Variants in CRYBG3 observed in about 807,000 individuals in gnomAD.
The protein encoded by CRYBG3 is very large A-kinase anchor protein.
Under a neutral mutation model 244.2 loss-of-function variants are expected in CRYBG3, and 127 were observed. The ratio of observed to expected loss-of-function variants is 0.52; its 90% CI spans 0.45 to 0.60. The LOEUF (loss-of-function observed/expected upper bound fraction) is 0.60, where lower values mean the gene tolerates loss of function less well. CRYBG3 is among the 20% of genes least tolerant of loss of function. The probability of loss-of-function intolerance (pLI) is 0.00; values close to 1 mark genes in which losing one functional copy is unlikely to be tolerated. For missense variants in CRYBG3, 3,325 were observed against 3,442.5 expected, an observed-to-expected ratio of 0.97 and a Z score of 0.85; for synonymous variants, 1,132 against 1,195.8, an observed-to-expected ratio of 0.95 and a Z score of 1.10.
At chr3:97,885,105 A>G (rs923789347) in intron 7 of CRYBG3, among the ~76,000 whole-genome samples, 2 of 152,188 alleles carry the variant, frequency 1.3e-5, no homozygotes, top group African/African-American at 2.4e-5. Flanking sequence ...TTGACAGGTG[A>G]CTGTTCTAAA....
intron 17 of CRYBG3, among the ~76,000 whole-genome samples, chr3:97,928,406 G>A (rs1559746737): frequency 6.6e-6 from 1 of 151,948 alleles, no homozygotes; most frequent in Non-Finnish European, 1.5e-5. Context: ...GCCTGCTTGA[G>A]CAGAGAGGGT....
At chr3:97,937,570 T>G (rs917302459) in intron 19 of CRYBG3, among the ~76,000 whole-genome samples, 1 of 152,038 alleles carries the variant, frequency 6.6e-6, no homozygotes, top group Non-Finnish European at 1.5e-5. Context: ...CCACCTTCTC[T>G]CCCAATCTAC....
At position 97,864,665 on chromosome 3, in the gene CRYBG3, T is replaced by C. The variant is rs1266554011; in HGVS notation, c.647+18T>C. ...TTGCTAAAGTAAGTTTAAAATTTCA[T>C]TGAACCAAAAAAAATTGAGCTTTTT... On this transcript the variant is annotated intron_variant, in intron 3 of 21. Transcript: ENST00000389622. The C allele has an allele frequency of 6.7e-7, 1 of 1,489,664 alleles. No homozygotes were observed. The allele number at this position is 1,489,664 out of a possible 1,614,324, so 92.3% of individuals were successfully genotyped here. A position where few individuals can be genotyped will look rare whatever the true frequency, so the allele number is the denominator to read the frequency against.
At position 97,877,813 on chromosome 3, in the gene CRYBG3, A is replaced by G; in HGVS notation, c.6619A>G (p.Asn2207Asp). 1 of 1,614,098 alleles carries G rather than the reference A, an allele frequency of 6.2e-7. No homozygotes were observed. Among genetic ancestry groups the G allele is most frequent in the Non-Finnish European group, 8.5e-7 (1 of 1,179,986 alleles). ...YVMPNEPTTS[N>D]LQVGLWPEKT... is the part of the protein sequence containing the mutation. ...GATGCCAAATGAACCTACTACCTCC[A>G]ATCTGCAAGTTGGTCTGTGGCCAGA... is the stretch of plus-strand genomic sequence containing the variant. Residue 2207 changes from asparagine (N) to aspartate (D), a missense_variant, in exon 4 of 22, where the codon AAT becomes GAT. This residue lies in a region of CRYBG3 where 450 missense variants were observed against 424.1 expected (regional missense o/e 1.06). Transcript: ENST00000389622.
At position 97,873,890 on chromosome 3, in the gene CRYBG3, C is replaced by G. The variant is rs867956811; in HGVS notation, c.2696C>G (p.Ser899Ter). 6.5e-7 allele frequency: 1 copy of G among 1,535,954 alleles called. No individual in the cohort carries two copies. The change falls in exon 4 of 22, where the codon TCA becomes TGA. Residue 899 changes from serine to a stop codon, truncating the protein, a stop_gained. Coordinates refer to ENST00000389622, the MANE Select transcript of CRYBG3 (RefSeq NM_153605.4). LOFTEE classifies it high-confidence loss of function. ...INHNEIGEKCSDAGLKENCQA... is the reference protein window; with the variant it reads ...INHNEIGEKC ...CATAATGAGATAGGAGAGAAATGTT[C>G]AGATGCTGGCCTTAAAGAGAATTGC...
Position 97,899,281 on chromosome 3 carries a change from A to C in CRYBG3, c.7971+18A>C. On this transcript the variant is annotated intron_variant, in intron 14 of 21. Coordinates refer to ENST00000389622, the MANE Select transcript of CRYBG3 (RefSeq NM_153605.4). ...TCCAACTGGTGAGTGAAGTATGAAC[A>C]TAGCCAGTGCTGCATCATGTAATAG... 6.2e-7 allele frequency: 1 copy of C among 1,607,496 alleles called. No homozygotes were observed. Among genetic ancestry groups the C allele is most frequent in the Non-Finnish European group, 8.5e-7 (1 of 1,177,958 alleles).
At chr3:97,850,300 C>G (rs2038966536) in intron 2 of CRYBG3, among the ~76,000 whole-genome samples, 1 of 152,082 alleles carries the variant, frequency 6.6e-6, no homozygotes, top group Admixed American at 6.6e-5. Context: ...TATTTTTTCT[C>G]TGATACATAT....
chr3:97,941,317 CCACT>C lies in CRYBG3; in HGVS notation c.8664+12_8664+15del. Reference sequence around the variant, plus strand: ...CTCTTTAAATCCAAGGTAAGCAATCCCACTGATACAGTATGCCACTTTCTGGTCT... The same window carrying C: ...CTCTTTAAATCCAAGGTAAGCAATCCGATACAGTATGCCACTTTCTGGTCT... On this transcript the variant is annotated intron_variant, in intron 20 of 21. Transcript: ENST00000389622. 8.8e-6 allele frequency: 14 copies of C among 1,582,934 alleles called. No homozygotes were observed. Among genetic ancestry groups the C allele is most frequent in the Non-Finnish European group, 9.5e-6 (11 of 1,161,804 alleles).
At chr3:97,891,384 A>C (rs957697163) in intron 10 of CRYBG3, among the ~76,000 whole-genome samples, 3 of 152,188 alleles carry the variant, frequency 2.0e-5, no homozygotes, top group African/African-American at 7.2e-5. Context: ...TAAATAAGCT[A>C]TTTTATCCTT....
At position 97,875,177 on chromosome 3, in the gene CRYBG3, C is replaced by G; in HGVS notation, c.3983C>G (p.Thr1328Ser). Residue 1328 changes from threonine to serine, a missense_variant, in exon 4 of 22, where the codon ACT (threonine) becomes AGT (serine). Thr to Ser is a moderately conservative substitution (Grantham distance 58). Transcript: ENST00000389622. ...EKLRNDTFED[T>S]EDTWDSELQA... ...TTGAGAAATGATACTTTTGAAGATA[C>G]TGAGGATACTTGGGATTCTGAACTT... The G allele has an allele frequency of 6.5e-7, 1 of 1,535,184 alleles. No homozygotes were observed. Among genetic ancestry groups the G allele is most frequent in the Non-Finnish European group, 8.7e-7 (1 of 1,146,268 alleles).
chr3:97,889,236 T>C (rs1276767528), intron 9 of CRYBG3, 119 bp from the exon 10 acceptor site: 1 of 765,772 alleles, frequency 1.3e-6, no homozygotes, highest in African/African-American at 1.8e-5. Flanking sequence ...TGAATTTGAC[T>C]GGTGTGTAAT....
At chr3:97,941,024 TAA>T in intron 19 of CRYBG3, 122 bp from the exon 20 acceptor site, 1 of 712,726 alleles carries the variant, frequency 1.4e-6, no homozygotes, top group East Asian at 2.6e-5. Context: ...CTAAAGGGAA[TAA>T]GAGTGAAACT....
chr3:97,942,151 A>G (rs1559751198), intron 20 of CRYBG3, 133 bp from the exon 21 acceptor site: 3 of 659,336 alleles, frequency 4.6e-6, no homozygotes, highest in Admixed American at 6.8e-5. Context: ...AAATTATACT[A>G]TATAGTATTT....
At chr3:97,916,144 C>T (rs557202961) in intron 17 of CRYBG3, among the ~76,000 whole-genome samples, 29 of 152,132 alleles carry the variant, frequency 1.9e-4, no homozygotes, top group Non-Finnish European at 3.5e-4. Context: ...GGTGAGTTCT[C>T]ATTTAAATGT....
At chr3:97,897,418 A>T (rs1404939657) in intron 12 of CRYBG3, among the ~76,000 whole-genome samples, 1 of 152,016 alleles carries the variant, frequency 6.6e-6, no homozygotes, top group Non-Finnish European at 1.5e-5. Flanking sequence ...CTACTAACTT[A>T]TGCAAGTGCT....
chr3:97,881,033 A>T, intron 6 of CRYBG3, 39 bp from the exon 7 acceptor site: 3 of 1,491,948 alleles, frequency 2.0e-6, no homozygotes, highest in Non-Finnish European at 2.7e-6. Flanking sequence ...TTTCTTAGAA[A>T]ATTAAATATA....
intron 3 of CRYBG3, 122 bp from the exon 4 acceptor site, chr3:97,871,720 C>T (rs1186151992): frequency 2.0e-5 from 12 of 607,048 alleles, no homozygotes; most frequent in Middle Eastern, 4.0e-4. Context: ...GGATTTACTC[C>T]CCAAATTGGT....
At chr3:97,907,713 A>G (rs1048237235) in intron 15 of CRYBG3, among the ~76,000 whole-genome samples, 2 of 151,682 alleles carry the variant, frequency 1.3e-5, no homozygotes, top group East Asian at 1.9e-4. Context: ...GGATTCATTA[A>G]TTTTTTGAAG....
chr3:97,926,506 G>A (rs1310046849), intron 17 of CRYBG3, among the ~76,000 whole-genome samples: 1 of 151,954 alleles, frequency 6.6e-6, no homozygotes, highest in South Asian at 2.1e-4. Context: ...TTGAAAACTG[G>A]AACAGGAGAA....
Sources: gnomAD v4.1 joint callset for allele counts (sites outside exome capture counted in the v4.1 genomes callset) on GRCh38, gnomAD v4.1.1 for gene constraint, gnomAD v4.1.1 regional missense constraint, MANE v1.5 for transcripts, NCBI Gene and HGNC (gene_info 2026-07-23, HGNC 2026-07-21) for gene names.